The following DHX35 variants were observed in gnomAD, a reference collection of about 807,000 sequenced individuals.
DHX35 encodes the protein DEAH-box helicase 35, also known as probable ATP-dependent RNA helicase DHX35.
Under a neutral mutation model 99.6 loss-of-function variants are expected in DHX35, and 84 were observed. The observed-to-expected ratio is 0.84, with a 90% confidence interval of 0.71 to 1.01. The LOEUF is 1.01. Among genes scored for constraint, DHX35 ranks in the 50% least tolerant of loss-of-function variants. The probability of loss-of-function intolerance (pLI) is 0.00; values close to 1 mark genes in which losing one functional copy is unlikely to be tolerated. For synonymous variants in DHX35, 331 were observed against 316.2 expected (o/e 1.05, Z -0.50); for missense variants, 852 against 888.5 (o/e 0.96, Z 0.52).
At chr20:38,971,306 TTGCACCAC>T (rs969996728) in intron 2 of DHX35, among the ~76,000 whole-genome samples, 52 of 152,222 alleles carry the variant, frequency 3.4e-4, no homozygotes, top group African/African-American at 1.2e-3. Flanking sequence ...TGAGCCAAGA[TTGCACCAC>T]TGCACTCCTG....
chr20:39,033,756 T>C (rs1419837793), intron 20 of DHX35, among the ~76,000 whole-genome samples: 5 of 152,366 alleles, frequency 3.3e-5, no homozygotes, highest in African/African-American at 1.2e-4. Context: ...TTTTGACAAA[T>C]GTGTATACCC....
intron 14 of DHX35, among the ~76,000 whole-genome samples, chr20:39,015,222 C>G (rs2086766069): frequency 6.6e-6 from 1 of 152,154 alleles, no homozygotes. Context: ...TCAGCAGTTC[C>G]CTACCAGGAT....
intron 2 of DHX35, 98 bp from the exon 3 acceptor site, chr20:38,972,461 T>C: frequency 1.3e-6 from 1 of 759,380 alleles, no homozygotes; most frequent in South Asian, 1.7e-5. Context: ...AAATTCACTT[T>C]CCTTTGAAAA....
intron 13 of DHX35, among the ~76,000 whole-genome samples, chr20:39,011,443 C>G (rs1348115828): frequency 6.6e-6 from 1 of 152,156 alleles, no homozygotes; most frequent in Non-Finnish European, 1.5e-5. Flanking sequence ...TCAAGTGATT[C>G]TTGTGCTTCA....
chr20:38,990,934 TAGTA>T (rs1568728975), intron 5 of DHX35, among the ~76,000 whole-genome samples: 2 of 152,192 alleles, frequency 1.3e-5, no homozygotes, highest in Non-Finnish European at 2.9e-5. Context: ...TCACACAGCT[TAGTA>T]AGAGGTAGAG....
At chr20:39,004,093 C>T (rs892110895) in intron 11 of DHX35, among the ~76,000 whole-genome samples, 186 bp downstream of exon 11, 37 of 151,970 alleles carry the variant, frequency 2.4e-4, no homozygotes, top group African/African-American at 7.0e-4. Flanking sequence ...GATGGAGTCT[C>T]GCTCTGTTGC....
At chr20:39,005,815 A>G (rs1223454954) in intron 11 of DHX35, among the ~76,000 whole-genome samples, 2 of 152,314 alleles carry the variant, frequency 1.3e-5, no homozygotes, top group East Asian at 3.9e-4. Flanking sequence ...GTTATGCCAA[A>G]GGGAAAAACT....
At chr20:39,004,551 G>A (rs140593821) in intron 11 of DHX35, among the ~76,000 whole-genome samples, 112 of 152,318 alleles carry the variant, frequency 7.4e-4, no homozygotes, top group African/African-American at 2.6e-3. Flanking sequence ...GGTACACATG[G>A]TTTCTAAATA....
intron 8 of DHX35, among the ~76,000 whole-genome samples, chr20:39,001,461 G>A (rs368938075): frequency 6.6e-6 from 1 of 152,302 alleles, no homozygotes; most frequent in African/African-American, 2.4e-5. Context: ...TAACTCAGAT[G>A]CTATGCTGAA....
chr20:39,034,568 T>C (rs2087115088), intron 21 of DHX35, among the ~76,000 whole-genome samples: 1 of 151,104 alleles, frequency 6.6e-6, no homozygotes, highest in Admixed American at 6.6e-5. Context: ...TCGCTTTCTT[T>C]CTCCTTTTGC....
At chr20:39,028,096 C>T (rs2086986444) in intron 18 of DHX35, among the ~76,000 whole-genome samples, 1 of 152,182 alleles carries the variant, frequency 6.6e-6, no homozygotes, top group Non-Finnish European at 1.5e-5. Context: ...CACTGACCAG[C>T]CTGCAGAGCA....
intron 19 of DHX35, chr20:39,029,858 T>C (rs986486403): frequency 3.3e-5 from 5 of 152,356 alleles, no homozygotes; most frequent in African/African-American, 1.2e-4. Context: ...ACGCTGGCTT[T>C]ATTACAATGC....
chr20:39,038,881 G>C lies in DHX35; in HGVS notation c.*338G>C. The C allele has an allele frequency of 5.6e-6, 2 of 356,518 alleles. No homozygotes were observed. Among genetic ancestry groups the C allele is most frequent in the Non-Finnish European group, 1.0e-5 (2 of 192,118 alleles). 22.1% of individuals were successfully genotyped at this position (356,518 alleles called of 1,614,324 possible). On this transcript the variant is annotated 3_prime_UTR_variant, in exon 22 of 22. Transcript: ENST00000252011. ...CTATGGGAAACAAGGAGGAAAGTTAGCCACTGAAGGCCAAAACACCATGTG... is the reference window on the plus strand; with the variant it reads ...CTATGGGAAACAAGGAGGAAAGTTACCCACTGAAGGCCAAAACACCATGTG...
intron 10 of DHX35, 152 bp downstream of exon 10, chr20:39,003,020 T>G: frequency 1.4e-6 from 1 of 697,696 alleles, no homozygotes; most frequent in East Asian, 2.8e-5. Context: ...ATGTCATTCA[T>G]CTACCATCTA....
Position 38,969,132 on chromosome 20 carries a change from A to T in DHX35, c.92A>T (p.Glu31Val). The change falls in exon 2 of 22, where the codon GAA becomes GTA. Residue 31 changes from glutamate to valine, a missense_variant. Glu to Val is a moderately radical substitution (Grantham distance 121). Transcript: ENST00000252011. The part of the protein sequence containing the change: ...SISEERQSLA[E>V]NSGTTVVYNP... ...TCTGAAGAGAGACAAAGTCTGGCTG[A>T]AAACTCTGGGACAACGGTTGTTTAC... The T allele has an allele frequency of 6.2e-7, 1 of 1,613,964 alleles. No individual in the cohort carries two copies. The highest frequency in any genetic ancestry group is 8.5e-7 in the Non-Finnish European group (1 of 1,179,848).
intron 20 of DHX35, 31 bp downstream of exon 20, chr20:39,030,806 T>C: frequency 6.2e-7 from 1 of 1,606,544 alleles, no homozygotes; most frequent in Middle Eastern, 1.7e-4. Flanking sequence ...AGCCTGTGCC[T>C]GCTTTGAACA....
chr20:38,964,688 C>CA (rs2085885566), intron 1 of DHX35, among the ~76,000 whole-genome samples: 1 of 152,142 alleles, frequency 6.6e-6, no homozygotes, highest in African/African-American at 2.4e-5. Flanking sequence ...CTCGGCCTCC[C>CA]AAAGTGTTGG....
chr20:38,970,577 A>T (rs184402635), intron 2 of DHX35, among the ~76,000 whole-genome samples: 87 of 152,328 alleles, frequency 5.7e-4, no homozygotes, highest in Middle Eastern at 3.4e-3. Context: ...AAGCTTCACC[A>T]TTTGTGTGCT....
rs771584367 is a variant in DHX35, at chr20:39,034,226, T to C, written c.1976T>C (p.Ile659Thr). Residue 659 changes from isoleucine (I) to threonine (T), a missense_variant, in exon 21 of 22, where the codon ATA becomes ACA. Coordinates refer to ENST00000252011, the MANE Select transcript of DHX35 (RefSeq NM_021931.4). ...PPRWVIYNEV[I>T]QTSKYYMRDV... ...TTCAGGGTCATCTATAACGAAGTTA[T>C]ACAGACCTCCAAGTACTACATGAGA... The C allele has an allele frequency of 6.8e-6, 11 of 1,614,064 alleles. No individual in the cohort carries two copies. The South Asian group carries it at 8.8e-5, about 13-fold the overall frequency.
Sources: allele counts gnomAD v4.1 joint callset (sites outside exome capture counted in the v4.1 genomes callset), GRCh38; gene constraint gnomAD v4.1.1; transcripts MANE v1.5; gene names NCBI Gene and HGNC (gene_info 2026-07-23, HGNC 2026-07-21).